Variants in FHIT observed in about 807,000 individuals in gnomAD.
The protein encoded by FHIT is bis(5'-adenosyl)-triphosphatase.
In FHIT, 19 loss-of-function variants were observed where a neutral mutation model predicts 17.9. The observed-to-expected ratio is 1.06, with a 90% CI of 0.74 to 1.56. The LOEUF is 1.56. Ranked by LOEUF, FHIT falls within the 40% of genes most tolerant of loss-of-function variation. The pLI is 0.00. For synonymous variants in FHIT, 81 were observed against 69.7 expected (o/e 1.16, Z -0.81); for missense variants, 248 against 189.2 (o/e 1.31, Z -1.82).
intron 5 of FHIT, among the ~76,000 whole-genome samples, chr3:60,381,592 G>A (rs150829061): frequency 1.2e-4 from 19 of 152,224 alleles, no homozygotes; most frequent in Non-Finnish European, 2.2e-4. Flanking sequence ...ACAGGAAAGA[G>A]AACATATTTA....
At chr3:60,654,407 C>G (rs1577032070) in intron 4 of FHIT, among the ~76,000 whole-genome samples, 2 of 152,196 alleles carry the variant, frequency 1.3e-5, no homozygotes, top group East Asian at 3.9e-4. Context: ...TGATTCTACA[C>G]AGCATGTCTA....
At chr3:60,083,781 T>G (rs1703386141) in intron 5 of FHIT, among the ~76,000 whole-genome samples, 1 of 152,226 alleles carries the variant, frequency 6.6e-6, no homozygotes, top group South Asian at 2.1e-4. Flanking sequence ...TGGGTGTGGC[T>G]GTGTTCCAGT....
At chr3:61,188,117 C>G (rs1054818539) in intron 2 of FHIT, among the ~76,000 whole-genome samples, 1 of 152,058 alleles carries the variant, frequency 6.6e-6, no homozygotes, top group East Asian at 1.9e-4. Flanking sequence ...CACAAAAAAC[C>G]CTTCGAAAAA....
chr3:60,696,804 A>C (rs2041122465), intron 4 of FHIT, among the ~76,000 whole-genome samples: 1 of 152,228 alleles, frequency 6.6e-6, no homozygotes, highest in Admixed American at 6.5e-5. Context: ...TTACGACCTT[A>C]GGTTGAAGAT....
chr3:61,049,678 C>T (rs150031042), intron 2 of FHIT, among the ~76,000 whole-genome samples: 5 of 152,138 alleles, frequency 3.3e-5, no homozygotes, highest in Non-Finnish European at 5.9e-5. Context: ...GCCAAGACTC[C>T]AGACTAAATA....
At chr3:60,367,226 T>G (rs1199785957) in intron 5 of FHIT, among the ~76,000 whole-genome samples, 5 of 152,182 alleles carry the variant, frequency 3.3e-5, no homozygotes, top group Admixed American at 3.3e-4. Flanking sequence ...TTAAGTCAGG[T>G]AATAATGCTG....
At chr3:59,941,958 T>C (rs1396339724) in intron 7 of FHIT, among the ~76,000 whole-genome samples, 1 of 152,204 alleles carries the variant, frequency 6.6e-6, no homozygotes, top group Non-Finnish European at 1.5e-5. Context: ...CTCACTCCTC[T>C]CGTGAACTAG....
chr3:61,056,617 G>T (rs1030131046), intron 2 of FHIT, among the ~76,000 whole-genome samples: 1 of 152,174 alleles, frequency 6.6e-6, no homozygotes, highest in African/African-American at 2.4e-5. Context: ...AGTGAGCCAT[G>T]TAACACGCCT....
intron 5 of FHIT, among the ~76,000 whole-genome samples, chr3:60,052,906 A>G (rs212038): frequency 0.28 from 41,896 of 151,476 alleles, 6,398 homozygotes; most frequent in African/African-American, 0.39. Context: ...TATTTATCAG[A>G]AAGTCAAATT....
chr3:60,860,989 A>G lies in FHIT; in HGVS notation c.-110-38978T>C, dbSNP rs140043456. 6.1e-4 allele frequency among the ~76,000 whole-genome samples: 61 copies of G among 100,190 alleles called. 4 individuals are homozygous for G. The highest frequency in any genetic ancestry group is 2.2e-3 in the African/African-American group (60 of 26,700). The allele number at this position is 100,190 out of a possible 152,430, so 65.7% of individuals were successfully genotyped here. On this transcript the variant is annotated intron_variant, in intron 3 of 9. Coordinates refer to ENST00000492590, the MANE Select transcript of FHIT (RefSeq NM_002012.4). ...TATATCATGTATATATGATACATAT[A>G]TACGTATATATCCATATATATGATA...
chr3:60,188,502 CTGGGTCT>C (rs1013018061), intron 5 of FHIT, among the ~76,000 whole-genome samples: 48 of 152,208 alleles, frequency 3.2e-4, no homozygotes, highest in Admixed American at 2.5e-3. Context: ...TCCTTTTTCT[CTGGGTCT>C]TGCCTCAAAC....
intron 8 of FHIT, among the ~76,000 whole-genome samples, chr3:59,777,340 G>A (rs972861531): frequency 3.3e-5 from 5 of 151,360 alleles, no homozygotes; most frequent in Non-Finnish European, 7.4e-5. Context: ...CTTTCCTCTC[G>A]CATGTGTAGT....
At chr3:60,195,531 G>A (rs377049595) in intron 5 of FHIT, among the ~76,000 whole-genome samples, 94 of 65,508 alleles carry the variant, frequency 1.4e-3, no homozygotes, top group African/African-American at 4.5e-3. Flanking sequence ...ACCAATAAGC[G>A]GATAAGGAAA....
At chr3:59,974,044 G>C (rs1295374477) in intron 7 of FHIT, among the ~76,000 whole-genome samples, 1 of 151,544 alleles carries the variant, frequency 6.6e-6, no homozygotes, top group Non-Finnish European at 1.5e-5. Context: ...TGGTTCTCTT[G>C]GGCAAAAATG....
At chr3:60,872,672 A>T (rs891759342) in intron 3 of FHIT, among the ~76,000 whole-genome samples, 11 of 152,178 alleles carry the variant, frequency 7.2e-5, no homozygotes, top group African/African-American at 2.7e-4. Flanking sequence ...TTTGAAAATA[A>T]AGAATAATGA....
intron 8 of FHIT, among the ~76,000 whole-genome samples, chr3:59,871,837 C>A (rs1358663138): frequency 2.0e-5 from 3 of 152,130 alleles, no homozygotes; most frequent in African/African-American, 7.2e-5. Flanking sequence ...AGGTAACCTC[C>A]CAGAACAGAA....
chr3:59,769,053 A>G (rs1302624748), intron 8 of FHIT, among the ~76,000 whole-genome samples: 1 of 152,222 alleles, frequency 6.6e-6, no homozygotes, highest in Non-Finnish European at 1.5e-5. Context: ...CTGGAAAGAA[A>G]ACCACTCTGC....
At chr3:60,418,414 A>G (rs1373757241) in intron 5 of FHIT, among the ~76,000 whole-genome samples, 5,242 of 58,176 alleles carry the variant, frequency 0.09, 554 homozygotes, top group East Asian at 0.27. Flanking sequence ...ATATATATAT[A>G]TATATATATA....
At chr3:60,606,734 T>A (rs2038620691) in intron 4 of FHIT, among the ~76,000 whole-genome samples, 1 of 152,146 alleles carries the variant, frequency 6.6e-6, no homozygotes, top group South Asian at 2.1e-4. Flanking sequence ...CTTCCAGGGC[T>A]CTGAATCCTA....
Sources: allele counts gnomAD v4.1 joint callset (sites outside exome capture counted in the v4.1 genomes callset), GRCh38; gene constraint gnomAD v4.1.1; transcripts MANE v1.5; gene names NCBI Gene and HGNC (gene_info 2026-07-23, HGNC 2026-07-21).